The following TTC39B variants were observed in gnomAD, a reference collection of about 807,000 sequenced individuals.
TTC39B encodes tetratricopeptide repeat domain 39B.
A neutral mutation model predicts 96.6 loss-of-function variants in TTC39B; 92 were observed. The ratio of observed to expected loss-of-function variants is 0.95; its 90% CI spans 0.80 to 1.13. TTC39B has a LOEUF of 1.13. Ranked by LOEUF, TTC39B falls within the 50% of genes most tolerant of loss-of-function variation. The probability of loss-of-function intolerance (pLI) is 0.00; values close to 1 mark genes in which losing one functional copy is unlikely to be tolerated. For missense variants in TTC39B, 955 were observed against 809.3 expected (o/e 1.18, Z -2.18); for synonymous variants, 367 against 299.4 (o/e 1.23, Z -2.33).
chr9:15,173,387 C>T (rs1261034781), intron 19 of TTC39B, among the ~76,000 whole-genome samples: 1 of 152,136 alleles, frequency 6.6e-6, no homozygotes, highest in Non-Finnish European at 1.5e-5. Context: ...TCACAGCAAA[C>T]ATCCTAAAAG....
At chr9:15,296,702 C>A (rs1824392217) in intron 1 of TTC39B, among the ~76,000 whole-genome samples, 1 of 152,154 alleles carries the variant, frequency 6.6e-6, no homozygotes, top group Non-Finnish European at 1.5e-5. Context: ...ACCATGGTGG[C>A]CAGGCTGGTC....
intron 2 of TTC39B, among the ~76,000 whole-genome samples, chr9:15,255,283 C>CATGGTACTGAACTAT (rs1254524587): frequency 6.6e-6 from 1 of 152,006 alleles, no homozygotes; most frequent in Non-Finnish European, 1.5e-5. Flanking sequence ...GTGCATCATG[C>CATGGTACTGAACTAT]ATGGTACTGA....
intron 3 of TTC39B, among the ~76,000 whole-genome samples, chr9:15,218,635 A>AAAATATATAT (rs374054306): frequency 0.053 from 7,849 of 149,466 alleles, 246 homozygotes; most frequent in Admixed American, 0.066. Flanking sequence ...GTCTATTTTA[A>AAAATATATAT]ATATATATAT....
intron 16 of TTC39B, 90 bp from the exon 17 acceptor site, chr9:15,182,505 C>T (rs527529235): frequency 1.0e-5 from 9 of 869,288 alleles, no homozygotes; most frequent in Admixed American, 5.5e-5. Flanking sequence ...TGTTTTGCTT[C>T]GGTTTCTAGG....
At chr9:15,290,860 C>T (rs926780669) in intron 1 of TTC39B, among the ~76,000 whole-genome samples, 5 of 152,220 alleles carry the variant, frequency 3.3e-5, no homozygotes, top group Non-Finnish European at 7.3e-5. Flanking sequence ...ACAGATCCTA[C>T]TGCAACTGTG....
intron 16 of TTC39B, among the ~76,000 whole-genome samples, chr9:15,183,876 G>A (rs773488775): frequency 2.3e-4 from 35 of 152,110 alleles, no homozygotes; most frequent in Admixed American, 1.4e-3. Flanking sequence ...GTCTTGCTCC[G>A]TCACAGTCAC....
At chr9:15,175,058 C>T (rs780086122) in exon 19 of TTC39B, 8 of 1,613,698 alleles carry the variant, frequency 5.0e-6, no homozygotes, top group Admixed American at 1.7e-5. Context: ...GTCAATTTCC[C>T]CCTGGCTTTT....
At position 15,175,827 on chromosome 9, in the gene TTC39B, C is replaced by G. The variant is rs559846503; in HGVS notation, c.1842-692G>C. ...CTAATATCCATGCAGGAGATGAGGC[C>G]TTGGGCCCACAGAAAGCAGGGAGCT... On this transcript the variant is annotated intron_variant, in intron 18 of 19. Transcript: ENST00000512701. 4.2e-3 allele frequency among the ~76,000 whole-genome samples: 637 copies of G among 152,258 alleles called. 4 individuals carry two copies. Among genetic ancestry groups the G allele is most frequent in the Non-Finnish European group, 5.5e-3 (376 of 68,022 alleles).
chr9:15,201,415 C>T (rs775505188), intron 7 of TTC39B, among the ~76,000 whole-genome samples: 16 of 152,096 alleles, frequency 1.1e-4, no homozygotes, highest in South Asian at 1.0e-3. Context: ...TGCACGGGGA[C>T]GGGATCATGC....
At chr9:15,177,970 C>T (rs1291008859) in intron 17 of TTC39B, among the ~76,000 whole-genome samples, 156 bp from the exon 18 acceptor site, 1 of 150,724 alleles carries the variant, frequency 6.6e-6, no homozygotes, top group African/African-American at 2.4e-5. Flanking sequence ...CCCGGGTTCA[C>T]GCCATTCTCC....
chr9:15,200,834 A>C (rs1350404194), intron 7 of TTC39B, among the ~76,000 whole-genome samples: 1 of 152,186 alleles, frequency 6.6e-6, no homozygotes, highest in African/African-American at 2.4e-5. Flanking sequence ...CCCCGTCTCT[A>C]CTAAAAATTC....
intron 2 of TTC39B, among the ~76,000 whole-genome samples, chr9:15,241,742 CTTT>C (rs5896669): frequency 1.5e-5 from 2 of 129,140 alleles, no homozygotes; most frequent in African/African-American, 2.9e-5. Context: ...TTAATTAACT[CTTT>C]TTTTTTTTTT....
At chr9:15,210,015 G>A (rs1468720234) in intron 6 of TTC39B, 73 bp downstream of exon 6, 6 of 1,072,890 alleles carry the variant, frequency 5.6e-6, no homozygotes, top group African/African-American at 3.2e-5. Flanking sequence ...ATATACTTCA[G>A]GATGGAATTT....
At chr9:15,250,076 G>C in intron 2 of TTC39B, 1 of 1,280,362 alleles carries the variant, frequency 7.8e-7, no homozygotes, top group Non-Finnish European at 1.0e-6. Flanking sequence ...TTTATTCCTT[G>C]GTCTCCAGTG....
At chr9:15,200,876 G>A (rs898046357) in intron 7 of TTC39B, among the ~76,000 whole-genome samples, 1 of 152,188 alleles carries the variant, frequency 6.6e-6, no homozygotes. Flanking sequence ...GCGGGTGCCT[G>A]TAGTCGCAGC....
intron 3 of TTC39B, among the ~76,000 whole-genome samples, chr9:15,223,572 A>G (rs1012121698): frequency 6.6e-6 from 1 of 152,226 alleles, no homozygotes; most frequent in African/African-American, 2.4e-5. Context: ...GACTAACTCC[A>G]TAAGAGCCAC....
chr9:15,259,278 A>G (rs937812910), intron 2 of TTC39B, among the ~76,000 whole-genome samples: 1 of 152,228 alleles, frequency 6.6e-6, no homozygotes, highest in Non-Finnish European at 1.5e-5. Context: ...GCTTCTGCCA[A>G]TTACCTGAGG....
intron 4 of TTC39B, among the ~76,000 whole-genome samples, chr9:15,211,681 C>G (rs1820209572): frequency 6.6e-6 from 1 of 152,178 alleles, no homozygotes. Flanking sequence ...TGCAAGCAAA[C>G]TGTTTTCTGT....
In TTC39B at chr9:15,228,696, G is replaced by C. The variant is rs569179359; in HGVS notation, c.276-2684C>G. On this transcript the variant is annotated intron_variant, in intron 2 of 19. Coordinates refer to ENST00000512701, the Ensembl canonical transcript of TTC39B. The stretch of plus-strand genomic sequence containing the variant: ...GTTTCCCCCTCCCACTCCTTAAGTA[G>C]AACACTGAACTGCTTGTGTTCTAAT... Among the ~76,000 whole-genome samples the C allele has an allele frequency of 3.3e-5, 5 of 152,218 alleles. No individual in the cohort carries two copies. In the East Asian group the frequency reaches 9.6e-4, roughly 29 times the overall value.
Sources: gnomAD v4.1 joint callset for allele counts (sites outside exome capture counted in the v4.1 genomes callset) on GRCh38, gnomAD v4.1.1 for gene constraint, MANE v1.5 for transcripts, NCBI Gene and HGNC (gene_info 2026-07-23, HGNC 2026-07-21) for gene names.